The following NEK6 variants were observed in gnomAD, a reference collection of about 807,000 sequenced individuals.
NEK6 encodes serine/threonine-protein kinase Nek6.
NEK6 carries 27 observed loss-of-function variants against 43.5 expected under a neutral mutation model. The observed-to-expected ratio is 0.62, with a 90% CI of 0.46 to 0.86. The LOEUF is 0.86. NEK6 is among the 40% of genes least tolerant of loss of function. The pLI, the probability that NEK6 is intolerant of heterozygous loss-of-function variation, is 0.00. For synonymous variants in NEK6, 167 were observed against 164.1 expected (o/e 1.02, Z -0.14); for missense variants, 318 against 414.4 (o/e 0.77, Z 2.02).
At chr9:124,321,824 G>A (rs1034684356) in intron 5 of NEK6, among the ~76,000 whole-genome samples, 1 of 152,206 alleles carries the variant, frequency 6.6e-6, no homozygotes, top group Non-Finnish European at 1.5e-5. Flanking sequence ...GCTCAAAAGA[G>A]CCCATATGCA....
intron 8 of NEK6, 147 bp from the exon 9 acceptor site, chr9:124,347,562 G>T: frequency 1.9e-6 from 1 of 534,952 alleles, no homozygotes; most frequent in South Asian, 3.2e-5. Context: ...AGCATGCTCG[G>T]TGATTCGGGG....
At chr9:124,271,762 G>A (rs1252419182) in intron 1 of NEK6, among the ~76,000 whole-genome samples, 3 of 152,250 alleles carry the variant, frequency 2.0e-5, no homozygotes, top group South Asian at 2.1e-4. Flanking sequence ...TGCAGGACAG[G>A]GGCCAGACCT....
chr9:124,280,559 C>T (rs1046662891), intron 1 of NEK6, among the ~76,000 whole-genome samples: 1 of 152,188 alleles, frequency 6.6e-6, no homozygotes, highest in South Asian at 2.1e-4. Flanking sequence ...CACTGGGTAC[C>T]GTGGGGCAGA....
rs1188604426 is a variant in NEK6 at position 124,324,303 on chromosome 9, A to AC, written c.406-2026dup. Among the ~76,000 whole-genome samples, 1 of 152,220 alleles carries AC rather than the reference A, an allele frequency of 6.6e-6. No individual in the cohort carries two copies. Among genetic ancestry groups the AC allele is most frequent in the Non-Finnish European group, 1.5e-5 (1 of 68,034 alleles). The stretch of plus-strand genomic sequence containing the variant: ...AGGCCACCTCTGGGTTTCCAGAGGA[A>AC]CAGGGGATACCCCATGGTCGCCCCA... On this transcript the variant is annotated intron_variant, in intron 5 of 9. Coordinates refer to ENST00000320246, the MANE Select transcript of NEK6 (RefSeq NM_014397.6). The surrounding 1 kb of genome is among the most constrained non-coding windows in gnomAD (Gnocchi z 5.3).
chr9:124,311,933 C>T (rs377334452), intron 2 of NEK6, among the ~76,000 whole-genome samples: 10 of 152,318 alleles, frequency 6.6e-5, no homozygotes, highest in East Asian at 1.9e-4. Flanking sequence ...CTCGAACTCC[C>T]GCCTCAGCTC....
chr9:124,299,233 T>G (rs973168427), intron 1 of NEK6, among the ~76,000 whole-genome samples: 6 of 152,210 alleles, frequency 3.9e-5, no homozygotes, highest in Non-Finnish European at 7.3e-5. Context: ...TGGTGCCTTC[T>G]GAGATAAAGA....
chr9:124,292,684 TC>T (rs1832481675), intron 1 of NEK6: 3 of 1,226,618 alleles, frequency 2.4e-6, no homozygotes, highest in Non-Finnish European at 3.4e-6. Context: ...TCCCCAGTGG[TC>T]CCCCTGGCAT....
chr9:124,266,596 G>A lies in NEK6; in HGVS notation c.-30+8511G>A, dbSNP rs545026357. On this transcript the variant is annotated intron_variant, in intron 1 of 9. Transcript: ENST00000320246. The stretch of plus-strand genomic sequence containing the variant: ...TGAGCATCCGTCTTGTCATCGCATA[G>A]TTGTAACCTGCCTCACAGACTGAAC... 3.9e-5 allele frequency among the ~76,000 whole-genome samples: 6 copies of A among 152,338 alleles called. 1 individual carries two copies. In the South Asian group the frequency reaches 1.2e-3, roughly 32 times the overall value.
At chr9:124,311,319 A>T (rs540189534) in intron 2 of NEK6, among the ~76,000 whole-genome samples, 2 of 152,300 alleles carry the variant, frequency 1.3e-5, no homozygotes, top group East Asian at 1.9e-4. Flanking sequence ...GGGCGGTGGC[A>T]TGGAGCTGGG....
chr9:124,334,385 A>C (rs1829183001), intron 7 of NEK6, among the ~76,000 whole-genome samples: 1 of 152,186 alleles, frequency 6.6e-6, no homozygotes. Context: ...GAAAGCTCCA[A>C]ATTGCATTTG....
At chr9:124,264,814 CAAAAAAAAAAAAAAAA>C (rs372219790) in intron 1 of NEK6, among the ~76,000 whole-genome samples, 6 of 88,682 alleles carry the variant, frequency 6.8e-5, no homozygotes, top group Admixed American at 6.7e-4. Flanking sequence ...GACTCTGTAT[CAAAAAAAAAAAAAAAA>C]AAAAAAAAAG....
At chr9:124,272,641 G>A (rs1042691403) in intron 1 of NEK6, among the ~76,000 whole-genome samples, 1 of 152,208 alleles carries the variant, frequency 6.6e-6, no homozygotes, top group Non-Finnish European at 1.5e-5. Flanking sequence ...TGCAATGTGG[G>A]AGTTTTCCCC....
At chr9:124,280,129 A>G (rs532219059) in intron 1 of NEK6, among the ~76,000 whole-genome samples, 2 of 152,228 alleles carry the variant, frequency 1.3e-5, no homozygotes, top group African/African-American at 4.8e-5. Flanking sequence ...CTGGAATTCC[A>G]GGTGTGCCTG....
intron 1 of NEK6, among the ~76,000 whole-genome samples, chr9:124,298,905 T>C (rs960540278): frequency 6.6e-6 from 1 of 152,180 alleles, no homozygotes; most frequent in African/African-American, 2.4e-5. Context: ...TATTAGCTCT[T>C]ATTCCCGGTC....
At chr9:124,337,273 C>T (rs1829344522) in intron 7 of NEK6, among the ~76,000 whole-genome samples, 1 of 152,230 alleles carries the variant, frequency 6.6e-6, no homozygotes, top group Non-Finnish European at 1.5e-5. Context: ...CAGCCCTCCA[C>T]AATTTCCTCA....
In NEK6 at chr9:124,328,259, A is replaced by G. The variant is rs532780493; in HGVS notation, c.622+814A>G. ...TCATTTAGTGAGAACAAAGGAACCA[A>G]GAAAGCCCCCGCTTCCCCACCAGTG... On this transcript the variant is annotated intron_variant, in intron 7 of 9. Coordinates refer to ENST00000320246, the MANE Select transcript of NEK6 (RefSeq NM_014397.6). 2.3e-3 allele frequency among the ~76,000 whole-genome samples: 357 copies of G among 152,274 alleles called. 1 individual carries two copies. The highest frequency in any genetic ancestry group is 8.5e-3 in the African/African-American group (355 of 41,548).
At chr9:124,264,049 G>A (rs1341608248) in intron 1 of NEK6, among the ~76,000 whole-genome samples, 1 of 152,244 alleles carries the variant, frequency 6.6e-6, no homozygotes, top group African/African-American at 2.4e-5. Flanking sequence ...CCTGGCCGTG[G>A]GGCAGAAGTG....
At chr9:124,270,737 G>A (rs570276459) in intron 1 of NEK6, among the ~76,000 whole-genome samples, 11 of 152,334 alleles carry the variant, frequency 7.2e-5, no homozygotes, top group African/African-American at 1.7e-4. Flanking sequence ...TGCTGGGTGC[G>A]GGAGCAGGCA....
intron 1 of NEK6, among the ~76,000 whole-genome samples, chr9:124,261,835 A>G (rs894681087): frequency 6.6e-6 from 1 of 152,266 alleles, no homozygotes; most frequent in East Asian, 1.9e-4. Flanking sequence ...CGTTAATTTA[A>G]GGTGTGAAAT....
Sources: allele counts gnomAD v4.1 joint callset (sites outside exome capture counted in the v4.1 genomes callset), GRCh38; gene constraint gnomAD v4.1.1; non-coding constraint Gnocchi (gnomAD v3.1); transcripts MANE v1.5; gene names NCBI Gene and HGNC (gene_info 2026-07-23, HGNC 2026-07-21).